Variants in PMP22 observed in about 807,000 individuals in gnomAD.
The protein encoded by PMP22 is peripheral myelin protein 22, also known as Charcot-Marie-Tooth neuropathy 1A (greatly reduced nerve conduction velocity, hereditary motor sensory neuropathy Ia).
A neutral mutation model predicts 18.9 loss-of-function variants in PMP22; 2 were observed. The observed-to-expected ratio is 0.11, with a 90% CI of 0.04 to 0.33. The LOEUF is 0.33. Ranked by LOEUF, PMP22 falls within the 10% of genes least tolerant of loss-of-function variation. The pLI, the probability that PMP22 is intolerant of heterozygous loss-of-function variation, is 1.00. For synonymous variants in PMP22, 95 were observed against 89.2 expected (o/e 1.07, Z -0.37); for missense variants, 169 against 202.2 (o/e 0.84, Z 1.00).
At chr17:15,240,949 A>G (rs977213697) in intron 3 of PMP22, among the ~76,000 whole-genome samples, 1 of 152,210 alleles carries the variant, frequency 6.6e-6, no homozygotes, top group Non-Finnish European at 1.5e-5. Flanking sequence ...AAGGGTGCAA[A>G]TTAGGTTAAC....
intron 1 of PMP22, among the ~76,000 whole-genome samples, chr17:15,264,230 GTAGA>G (rs1009453770): frequency 4.7e-4 from 40 of 85,004 alleles, no homozygotes; most frequent in Admixed American, 9.5e-4. Flanking sequence ...AGGTAGGTAG[GTAGA>G]TAGATAGATA....
intron 3 of PMP22, among the ~76,000 whole-genome samples, chr17:15,253,409 C>A (rs965165845): frequency 3.9e-5 from 6 of 152,064 alleles, no homozygotes; most frequent in Non-Finnish European, 2.9e-5. Context: ...ATAAGAATCC[C>A]GTCACCCAAA....
chr17:15,231,129 C>T (rs747592407), intron 4 of PMP22, 49 bp from the exon 5 acceptor site: 117 of 1,586,506 alleles, frequency 7.4e-5, no homozygotes, highest in East Asian at 2.2e-4. Context: ...CATGGCAGAG[C>T]GGCCCCCTCT....
intron 3 of PMP22, among the ~76,000 whole-genome samples, chr17:15,242,186 G>A (rs1312691857): frequency 6.7e-6 from 1 of 148,348 alleles, no homozygotes. Flanking sequence ...TCAGGAGGTG[G>A]AGGTTGTAGT....
intron 3 of PMP22, among the ~76,000 whole-genome samples, chr17:15,254,638 C>A (rs111400143): frequency 9.5e-4 from 144 of 152,200 alleles, no homozygotes; most frequent in African/African-American, 3.3e-3. Flanking sequence ...GTCTGGGATT[C>A]AGAAGAGAGG....
intron 3 of PMP22, among the ~76,000 whole-genome samples, chr17:15,246,604 G>A (rs983944864): frequency 2.6e-5 from 4 of 152,092 alleles, no homozygotes; most frequent in Admixed American, 6.5e-5. Flanking sequence ...TCTTCCCCAC[G>A]CCCCACCCAA....
intron 3 of PMP22, among the ~76,000 whole-genome samples, chr17:15,247,724 A>G (rs1199781947): frequency 6.6e-6 from 1 of 152,190 alleles, no homozygotes; most frequent in Non-Finnish European, 1.5e-5. Flanking sequence ...ACCCTGCCCC[A>G]TATCAAGTCC....
chr17:15,233,676 C>T lies in PMP22; in HGVS notation c.320-2596G>A, dbSNP rs1205556525. 2.6e-5 allele frequency among the ~76,000 whole-genome samples: 4 copies of T among 152,200 alleles called. 1 individual carries two copies. The highest frequency in any genetic ancestry group is 9.7e-5 in the African/African-American group (4 of 41,438). On this transcript the variant is annotated intron_variant, in intron 4 of 4. Transcript: ENST00000312280. ...TGCGGGCCCTGTTCTAGCTGCTGCT[C>T]TAGATGTACCAAGATAAGTGAGACA...
chr17:15,256,620 T>C (rs1472605278), intron 3 of PMP22, among the ~76,000 whole-genome samples: 2 of 152,206 alleles, frequency 1.3e-5, no homozygotes, highest in Non-Finnish European at 2.9e-5. Context: ...TTTTTCACAC[T>C]TGCAACATAT....
At chr17:15,260,852 G>A (rs2150710682) in intron 1 of PMP22, 91 bp from the exon 2 acceptor site, 1 of 899,104 alleles carries the variant, frequency 1.1e-6, no homozygotes, top group South Asian at 1.4e-5. Context: ...CTAGCGGAAG[G>A]CCCGGCCTGG....
chr17:15,264,644 C>T (rs1200707482), intron 1 of PMP22, among the ~76,000 whole-genome samples: 1 of 152,210 alleles, frequency 6.6e-6, no homozygotes, highest in African/African-American at 2.4e-5. Context: ...ACCCAGGTCA[C>T]AGCCACACCA....
At chr17:15,260,412 G>A (rs1367322892) in intron 2 of PMP22, 3 of 589,948 alleles carry the variant, frequency 5.1e-6, no homozygotes, top group African/African-American at 1.9e-5. Flanking sequence ...AAGTTACTTG[G>A]CTTAAATAGA....
At chr17:15,235,292 G>A (rs1431438074) in intron 4 of PMP22, 1 of 717,454 alleles carries the variant, frequency 1.4e-6, no homozygotes, top group South Asian at 1.5e-5. Flanking sequence ...ATTCTGCCGA[G>A]GAAACACAAT....
chr17:15,248,122 T>G (rs1907992755), intron 3 of PMP22, among the ~76,000 whole-genome samples: 2 of 152,246 alleles, frequency 1.3e-5, no homozygotes, highest in Non-Finnish European at 2.9e-5. Context: ...AAGCCCAGCG[T>G]GGGTCTTGCC....
chr17:15,258,282 T>C lies in PMP22; in HGVS notation c.178+812A>G, dbSNP rs577191904. 6.6e-5 allele frequency among the ~76,000 whole-genome samples: 10 copies of C among 152,270 alleles called. No homozygotes were observed. In the South Asian group the frequency reaches 2.1e-3, roughly 32 times the overall value. ...CACGGGCTCTTAACATCAATCGCTA[T>C]GGCCTACCCAGCCACCAAAACAGCT... On this transcript the variant is annotated intron_variant, in intron 3 of 4. Coordinates refer to ENST00000312280, the MANE Select transcript of PMP22 (RefSeq NM_000304.4). The surrounding 1 kb of genome is among the most constrained non-coding windows in gnomAD (Gnocchi z 4.1).
intron 1 of PMP22, among the ~76,000 whole-genome samples, chr17:15,263,838 T>C (rs1909529439): frequency 6.6e-6 from 1 of 152,230 alleles, no homozygotes; most frequent in African/African-American, 2.4e-5. Flanking sequence ...GCCCGTTATA[T>C]GCCAAGCACT....
chr17:15,231,518 T>G (rs1043594365), intron 4 of PMP22, among the ~76,000 whole-genome samples: 3 of 152,154 alleles, frequency 2.0e-5, no homozygotes, highest in African/African-American at 7.2e-5. Context: ...TGAAGTGACA[T>G]TTTACCATTA....
At chr17:15,247,814 G>A (rs1315357484) in intron 3 of PMP22, among the ~76,000 whole-genome samples, 2 of 152,182 alleles carry the variant, frequency 1.3e-5, no homozygotes, top group South Asian at 2.1e-4. Flanking sequence ...AGTTGCAAGA[G>A]TCAGAAGAGA....
At chr17:15,243,301 T>C (rs1401709854) in intron 3 of PMP22, among the ~76,000 whole-genome samples, 3 of 152,066 alleles carry the variant, frequency 2.0e-5, no homozygotes, top group African/African-American at 7.2e-5. Flanking sequence ...TAAAGAAACA[T>C]ACTAAGTTCC....
Sources: allele counts gnomAD v4.1 joint callset (sites outside exome capture counted in the v4.1 genomes callset), GRCh38; gene constraint gnomAD v4.1.1; non-coding constraint Gnocchi (gnomAD v3.1); transcripts MANE v1.5; gene names NCBI Gene and HGNC (gene_info 2026-07-23, HGNC 2026-07-21).